The following GABRB2 variants were observed in gnomAD, a reference collection of about 807,000 sequenced individuals.
The protein encoded by GABRB2 is gamma-aminobutyric acid receptor subunit beta-2.
In GABRB2, 16 loss-of-function variants were observed where a neutral mutation model predicts 54.7. The ratio of observed to expected loss-of-function variants is 0.29; its 90% CI spans 0.20 to 0.44. GABRB2 has a LOEUF of 0.44. GABRB2 is among the 20% of genes least tolerant of loss of function. GABRB2 has a pLI of 1.00. For synonymous variants in GABRB2, 244 were observed against 233.8 expected (o/e 1.04, Z -0.40); for missense variants, 355 against 644.0 (o/e 0.55, Z 4.86).
chr5:161,494,578 C>T (rs1759174777), intron 3 of GABRB2, among the ~76,000 whole-genome samples: 1 of 140,100 alleles, frequency 7.1e-6, no homozygotes, highest in South Asian at 2.3e-4. Context: ...TGTGTGTGTA[C>T]AATTACTGAC....
intron 5 of GABRB2, among the ~76,000 whole-genome samples, chr5:161,348,258 T>C (rs1754376428): frequency 6.6e-6 from 1 of 152,068 alleles, no homozygotes; most frequent in African/African-American, 2.4e-5. Flanking sequence ...ATTAATTAAT[T>C]GAAACCAACA....
chr5:161,404,086 G>T (rs998022430), intron 5 of GABRB2, among the ~76,000 whole-genome samples: 10 of 152,076 alleles, frequency 6.6e-5, no homozygotes, highest in African/African-American at 2.4e-4. Flanking sequence ...GAGTCTTTGA[G>T]TCCAGATACA....
intron 3 of GABRB2, among the ~76,000 whole-genome samples, chr5:161,487,978 C>A (rs535382114): frequency 6.6e-6 from 1 of 151,744 alleles, no homozygotes; most frequent in East Asian, 1.9e-4. Context: ...TTAAGAACTA[C>A]AAGAGAACAG....
chr5:161,469,672 CACACATACACATACACATACACAT>C (rs59675873), intron 3 of GABRB2, among the ~76,000 whole-genome samples: 3,662 of 141,236 alleles, frequency 0.026, 64 homozygotes, highest in Non-Finnish European at 0.035. Context: ...AAACATTATT[CACACATACACATACACATACACAT>C]ACACATACAC....
chr5:161,342,752 C>G (rs566043583), intron 5 of GABRB2, among the ~76,000 whole-genome samples: 1 of 152,176 alleles, frequency 6.6e-6, no homozygotes, highest in South Asian at 2.1e-4. Context: ...CCCACAGTTC[C>G]TCAGAACCAT....
intron 3 of GABRB2, among the ~76,000 whole-genome samples, chr5:161,489,425 A>T (rs1679859544): frequency 6.6e-6 from 1 of 151,752 alleles, no homozygotes; most frequent in Non-Finnish European, 1.5e-5. Context: ...ATGTTATCAG[A>T]TAGACATTAC....
At chr5:161,476,853 G>A (rs1212371850) in intron 3 of GABRB2, among the ~76,000 whole-genome samples, 7 of 151,836 alleles carry the variant, frequency 4.6e-5, no homozygotes, top group Non-Finnish European at 8.8e-5. Flanking sequence ...AGAAAGTACA[G>A]AGAAAAGTTT....
chr5:161,448,836 T>C (rs1027677890), intron 4 of GABRB2, among the ~76,000 whole-genome samples: 1 of 152,196 alleles, frequency 6.6e-6, no homozygotes, highest in Non-Finnish European at 1.5e-5. Context: ...GGAATTATCA[T>C]ATTAAGTTAC....
intron 9 of GABRB2, among the ~76,000 whole-genome samples, chr5:161,302,957 A>G (rs1757580168): frequency 6.6e-6 from 1 of 152,248 alleles, no homozygotes; most frequent in Admixed American, 6.5e-5. Flanking sequence ...GAAAGTAAAC[A>G]GGAAATACTG....
chr5:161,395,358 A>G (rs1755962346), intron 5 of GABRB2, among the ~76,000 whole-genome samples: 1 of 152,154 alleles, frequency 6.6e-6, no homozygotes, highest in East Asian at 1.9e-4. Flanking sequence ...ATGATTAACA[A>G]ACATGATTGG....
intron 3 of GABRB2, among the ~76,000 whole-genome samples, chr5:161,509,334 A>C (rs1759695936): frequency 6.6e-6 from 1 of 151,960 alleles, no homozygotes; most frequent in African/African-American, 2.4e-5. Context: ...ACAGTCCAGC[A>C]ATATCAATTA....
intron 4 of GABRB2, among the ~76,000 whole-genome samples, chr5:161,421,305 A>C (rs1490348867): frequency 6.6e-6 from 1 of 152,164 alleles, no homozygotes; most frequent in Non-Finnish European, 1.5e-5. Flanking sequence ...GAGCCTCAGC[A>C]ACCCAGCAGG....
intron 9 of GABRB2, among the ~76,000 whole-genome samples, chr5:161,303,068 T>C (rs1399026572): frequency 1.3e-5 from 2 of 152,238 alleles, no homozygotes; most frequent in Non-Finnish European, 2.9e-5. Context: ...ACTTCTATTA[T>C]GCAATGATAA....
At chr5:161,343,990 A>T (rs1754245594) in intron 5 of GABRB2, among the ~76,000 whole-genome samples, 1 of 152,116 alleles carries the variant, frequency 6.6e-6, no homozygotes, top group Non-Finnish European at 1.5e-5. Context: ...TGAAGTTCTG[A>T]TAAACTCCCA....
intron 4 of GABRB2, 25 bp from the exon 5 acceptor site, chr5:161,411,082 G>T: frequency 6.4e-7 from 1 of 1,568,424 alleles, no homozygotes; most frequent in Non-Finnish European, 8.8e-7. Flanking sequence ...GCAATGATGA[G>T]TGTTGTTAGC....
intron 4 of GABRB2, among the ~76,000 whole-genome samples, chr5:161,442,009 G>A (rs77821293): frequency 0.019 from 2,879 of 152,128 alleles, 36 homozygotes; most frequent in East Asian, 0.056. Flanking sequence ...CGGTTATTGC[G>A]TACAAAAATA....
chr5:161,336,625 T>A lies in GABRB2; in HGVS notation c.679+7A>T, dbSNP rs1285127035. The A allele has an allele frequency of 6.2e-7, 1 of 1,612,584 alleles. No individual in the cohort carries two copies. The highest frequency in any genetic ancestry group is 1.3e-5 in the African/African-American group (1 of 74,862). ...ATTTTCCCTTAACACTTTTCCATGA[T>A]ACAAACCTGTGGAAAAAACAACCTT... On this transcript the variant is annotated splice_region_variant and intron_variant, in intron 6 of 9. Transcript: ENST00000393959.
chr5:161,519,249 A>C (rs1760042356), intron 3 of GABRB2, among the ~76,000 whole-genome samples: 2 of 152,292 alleles, frequency 1.3e-5, no homozygotes, highest in East Asian at 1.9e-4. Flanking sequence ...TGATCCATGC[A>C]CACATATAGA....
intron 5 of GABRB2, among the ~76,000 whole-genome samples, chr5:161,359,120 CAG>C (rs1754727279): frequency 6.6e-6 from 1 of 151,754 alleles, no homozygotes; most frequent in Non-Finnish European, 1.5e-5. Flanking sequence ...TTTGCATTGG[CAG>C]AGAGGGGGAA....
Sources: allele counts gnomAD v4.1 joint callset (sites outside exome capture counted in the v4.1 genomes callset), GRCh38; gene constraint gnomAD v4.1.1; transcripts MANE v1.5; gene names NCBI Gene and HGNC (gene_info 2026-07-23, HGNC 2026-07-21).